The following MDN1 variants were observed in gnomAD, a reference collection of about 807,000 sequenced individuals.
The protein encoded by MDN1 is midasin.
Under a neutral mutation model 669.2 loss-of-function variants are expected in MDN1, and 266 were observed. The observed-to-expected ratio is 0.40, with a 90% CI of 0.36 to 0.44. MDN1 has a LOEUF of 0.44. MDN1 is among the 20% of genes least tolerant of loss of function. The pLI is 1.00. For missense variants in MDN1, 5,940 were observed against 6,754.0 expected (o/e 0.88, Z 4.22); for synonymous variants, 2,385 against 2,457.1 (o/e 0.97, Z 0.87).
intron 96 of MDN1, 111 bp downstream of exon 96, chr6:89,650,621 G>A (rs1229800751): frequency 2.0e-5 from 16 of 784,186 alleles, no homozygotes; most frequent in Non-Finnish European, 3.3e-5. Flanking sequence ...TACGGCACAA[G>A]CGGCAGCCTA....
At position 89,819,675 on chromosome 6, in the gene MDN1, C is replaced by T; in HGVS notation, c.-68G>A. On this transcript the variant is annotated 5_prime_UTR_variant, in exon 1 of 102. Transcript: ENST00000369393. ...TTCGCGGCCAGCGTCCCCAAGCCGC[C>T]GAGGTCCCAGTGCCCGAGCAGCCAG... The T allele has an allele frequency of 4.4e-6, 6 of 1,371,128 alleles. No individual in the cohort carries two copies. Among genetic ancestry groups the T allele is most frequent in the Non-Finnish European group, 6.2e-6 (6 of 974,584 alleles). The allele number at this position is 1,371,128 out of a possible 1,614,324, so 84.9% of individuals were successfully genotyped here.
intron 5 of MDN1, among the ~76,000 whole-genome samples, chr6:89,790,769 C>A (rs1819225295): frequency 6.6e-6 from 1 of 152,120 alleles, no homozygotes; most frequent in African/African-American, 2.4e-5. Flanking sequence ...GCCTGTAATA[C>A]CAGCACTTTG....
intron 76 of MDN1, 87 bp from the exon 77 acceptor site, chr6:89,676,294 C>G: frequency 8.4e-7 from 1 of 1,186,790 alleles, no homozygotes; most frequent in Non-Finnish European, 1.2e-6. Flanking sequence ...GTATATTTGG[C>G]CATAACCAAG....
intron 32 of MDN1, among the ~76,000 whole-genome samples, chr6:89,738,891 T>C (rs1816142401): frequency 6.6e-6 from 1 of 152,200 alleles, no homozygotes; most frequent in Admixed American, 6.5e-5. Flanking sequence ...CATAGCTCAA[T>C]GAGAGTGTGA....
At chr6:89,667,980 C>A (rs1414328577) in intron 84 of MDN1, 34 bp downstream of exon 84, 3 of 1,598,772 alleles carry the variant, frequency 1.9e-6, no homozygotes, top group African/African-American at 2.7e-5. Flanking sequence ...AGAGAGTGAT[C>A]TTCTGTCAAC....
At chr6:89,662,683 GAACAA>G in intron 86 of MDN1, 104 bp downstream of exon 86, 1 of 1,265,436 alleles carries the variant, frequency 7.9e-7, no homozygotes, top group East Asian at 2.5e-5. Flanking sequence ...AGAAAAAAGA[GAACAA>G]AACAAATACA....
At chr6:89,663,461 G>C (rs1809951995) in intron 85 of MDN1, among the ~76,000 whole-genome samples, 1 of 152,266 alleles carries the variant, frequency 6.6e-6, no homozygotes, top group East Asian at 1.9e-4. Flanking sequence ...TGCCACTAAG[G>C]TCAACTTTCA....
In MDN1 at chr6:89,787,938, A is replaced by G; in HGVS notation, c.1250T>C (p.Leu417Pro). Reference sequence around the variant, plus strand: ...AATCAAGAGCTCTCCATTCTCCAAGAGAGGGATCAGCACAGAAACCTAAAT... The same window carrying G: ...AATCAAGAGCTCTCCATTCTCCAAGGGAGGGATCAGCACAGAAACCTAAAT... ...PLDVVSVLIP[L>P]LENGELLIPG... The change falls in exon 8 of 102, where the codon CTC becomes CCC. Residue 417 changes from leucine (L) to proline (P), a missense_variant. Physicochemically the swap from Leu to Pro is moderately conservative, Grantham distance 98. This residue lies in a region of MDN1 where 1,203 missense variants were observed against 1,268.9 expected (regional missense o/e 0.95). Coordinates refer to ENST00000369393, the MANE Select transcript of MDN1 (RefSeq NM_014611.3). The G allele has an allele frequency of 6.2e-7, 1 of 1,613,414 alleles. No individual in the cohort carries two copies. The highest frequency in any genetic ancestry group is 8.5e-7 in the Non-Finnish European group (1 of 1,179,958).
At chr6:89,670,170 A>ATATATATATTTTTTTTTT (rs1444537561) in intron 83 of MDN1, among the ~76,000 whole-genome samples, 7 of 23,400 alleles carry the variant, frequency 3.0e-4, no homozygotes, top group African/African-American at 7.7e-4. Flanking sequence ...ATATATATAT[A>ATATATATATTTTTTTTTT]TTTTTTTTTT....
chr6:89,771,668 C>T (rs188919610), intron 14 of MDN1, 47 bp from the exon 15 acceptor site: 21 of 1,480,576 alleles, frequency 1.4e-5, no homozygotes, highest in Non-Finnish European at 1.8e-5. Context: ...ATTTAAAGAC[C>T]GATAATATCC....
At chr6:89,684,526 C>T (rs979754858) in intron 71 of MDN1, among the ~76,000 whole-genome samples, 3 of 152,052 alleles carry the variant, frequency 2.0e-5, no homozygotes, top group African/African-American at 4.8e-5. Context: ...TCAAAAAGAG[C>T]GGTCCCTCCT....
chr6:89,757,926 T>C (rs1817333469), intron 19 of MDN1, among the ~76,000 whole-genome samples: 1 of 152,066 alleles, frequency 6.6e-6, no homozygotes, highest in Non-Finnish European at 1.5e-5. Context: ...CATGCACCTG[T>C]AGTCCCAGCT....
Position 89,713,558 on chromosome 6 carries a change from G to A in MDN1, c.7070-262C>T, listed in dbSNP as rs533681416. Among the ~76,000 whole-genome samples the A allele has an allele frequency of 1.3e-5, 2 of 152,210 alleles. 1 individual carries two copies. The highest frequency in any genetic ancestry group is 4.2e-4 in the South Asian group (2 of 4,812). ...TCATTTATAGATGTGATAAAGTCTGGTCACATATATCCTTAATCTAATGCT... is the reference window on the plus strand; with the variant it reads ...TCATTTATAGATGTGATAAAGTCTGATCACATATATCCTTAATCTAATGCT... On this transcript the variant is annotated intron_variant, in intron 46 of 101. Coordinates refer to ENST00000369393, the MANE Select transcript of MDN1 (RefSeq NM_014611.3).
At chr6:89,693,421 C>T (rs1812513680) in intron 62 of MDN1, among the ~76,000 whole-genome samples, 1 of 152,064 alleles carries the variant, frequency 6.6e-6, no homozygotes, top group Non-Finnish European at 1.5e-5. Context: ...CTACAATTAC[C>T]CTTCTTATGC....
At chr6:89,699,280 T>C (rs1216674866) in intron 58 of MDN1, among the ~76,000 whole-genome samples, 2 of 152,190 alleles carry the variant, frequency 1.3e-5, no homozygotes, top group Non-Finnish European at 2.9e-5. Flanking sequence ...TTCAATTTAT[T>C]AGAGAGGAAA....
chr6:89,807,347 A>G (rs540912332), intron 1 of MDN1, among the ~76,000 whole-genome samples: 2 of 152,194 alleles, frequency 1.3e-5, no homozygotes, highest in East Asian at 1.9e-4. Context: ...TAAGCCCCCA[A>G]AGTGCTGGGA....
intron 60 of MDN1, 76 bp downstream of exon 60, chr6:89,696,284 T>C: frequency 6.8e-7 from 1 of 1,465,608 alleles, no homozygotes; most frequent in South Asian, 1.2e-5. Flanking sequence ...CAGAAGGAAG[T>C]TCTCACTGGG....
In MDN1 at chr6:89,690,950, A is replaced by G. The variant is rs1009135884; in HGVS notation, c.10588-116T>C. ...AAGTATCATGACTCAAAAACAAATA[A>G]AAGCCAACATCCAAGAAACTAAATT... On this transcript the variant is annotated intron_variant, in intron 63 of 101. Transcript: ENST00000369393. 9.7e-6 allele frequency: 12 copies of G among 1,238,166 alleles called. No homozygotes were observed. The Admixed American group carries it at 2.7e-4, about 28-fold the overall frequency. 76.7% of individuals were successfully genotyped at this position (1,238,166 alleles called of 1,614,324 possible).
intron 99 of MDN1, 29 bp downstream of exon 99, chr6:89,648,003 G>T (rs375380845): frequency 6.6e-7 from 1 of 1,508,276 alleles, no homozygotes; most frequent in South Asian, 1.1e-5. Context: ...AAATAACTGT[G>T]CAGAAGACAT....
Sources: gnomAD v4.1 joint callset for allele counts (sites outside exome capture counted in the v4.1 genomes callset) on GRCh38, gnomAD v4.1.1 for gene constraint, gnomAD v4.1.1 regional missense constraint, MANE v1.5 for transcripts, NCBI Gene and HGNC (gene_info 2026-07-23, HGNC 2026-07-21) for gene names.